Variants in H6PD observed in about 807,000 individuals in gnomAD.
The protein encoded by H6PD is hexose-6-phosphate dehydrogenase/glucose 1-dehydrogenase.
H6PD carries 48 observed loss-of-function variants against 61.2 expected under a neutral mutation model. The observed-to-expected ratio is 0.78, with a 90% CI of 0.62 to 1.00. The LOEUF (loss-of-function observed/expected upper bound fraction) is 1.00, where lower values mean the gene tolerates loss of function less well. Ranked by LOEUF, H6PD falls within the 50% of genes least tolerant of loss-of-function variation. The pLI, the probability that H6PD is intolerant of heterozygous loss-of-function variation, is 0.00. For missense variants in H6PD, 1,093 were observed against 1,065.0 expected (o/e 1.03, Z -0.37); for synonymous variants, 480 against 457.9 (o/e 1.05, Z -0.62).
chr1:9,241,787 C>G (rs1409611697), intron 1 of H6PD, among the ~76,000 whole-genome samples: 1 of 152,118 alleles, frequency 6.6e-6, no homozygotes, highest in East Asian at 1.9e-4. Flanking sequence ...TTCTGCTTGA[C>G]AAAGGAAGCT....
At chr1:9,256,750 G>A (rs1280307810) in intron 3 of H6PD, among the ~76,000 whole-genome samples, 2 of 152,168 alleles carry the variant, frequency 1.3e-5, no homozygotes, top group African/African-American at 4.8e-5. Flanking sequence ...TATAAGAAAC[G>A]GGGATGCACC....
chr1:9,235,134 C>T (rs1175997123), intron 1 of H6PD, 68 bp downstream of exon 1: 1 of 150,204 alleles, frequency 6.7e-6, no homozygotes, highest in Non-Finnish European at 1.5e-5. Flanking sequence ...TGCCGCCGGG[C>T]CCGAGGCCGC....
Position 9,267,099 on chromosome 1 carries a change from C to T in H6PD, c.*2230C>T, listed in dbSNP as rs971130393. On this transcript the variant is annotated 3_prime_UTR_variant, in exon 5 of 5. Transcript: ENST00000377403. ...CCTCCCAAAGTGCTGGGATTACAGG[C>T]GTGAGCCACCGCGCCCAGCCAGAAC... is the stretch of plus-strand genomic sequence containing the variant. 25 of 152,644 alleles carry T rather than the reference C, an allele frequency of 1.6e-4. No homozygotes were observed. Among genetic ancestry groups the T allele is most frequent in the South Asian group, 4.1e-4 (2 of 4,846 alleles). The allele number at this position is 152,644 out of a possible 1,614,324, so 9.5% of individuals were successfully genotyped here. A position where few individuals can be genotyped will look rare whatever the true frequency, so the allele number is the denominator to read the frequency against.
In H6PD at chr1:9,270,060, C is replaced by G. The variant is rs1638699620; in HGVS notation, c.*5191C>G. On this transcript the variant is annotated 3_prime_UTR_variant, in exon 5 of 5. Transcript: ENST00000377403. ...TGATCCCTTTGCCGAAGTGTACCCT[C>G]TAGCCAACTTTTGGGAGCGCTTCTG... 1 of 152,668 alleles carries G rather than the reference C, an allele frequency of 6.6e-6. No individual in the cohort carries two copies. The highest frequency in any genetic ancestry group is 2.1e-4 in the South Asian group (1 of 4,826). 9.5% of individuals were successfully genotyped at this position (152,668 alleles called of 1,614,324 possible).
At chr1:9,246,805 C>G (rs1002468938) in intron 2 of H6PD, among the ~76,000 whole-genome samples, 161 bp from the exon 3 acceptor site, 5 of 152,128 alleles carry the variant, frequency 3.3e-5, no homozygotes, top group Non-Finnish European at 5.9e-5. Context: ...GTTTTTGGAA[C>G]CTTTACTGGC....
intron 3 of H6PD, 86 bp from the exon 4 acceptor site, chr1:9,261,973 G>A (rs749107996): frequency 6.1e-5 from 82 of 1,351,776 alleles, no homozygotes; most frequent in Non-Finnish European, 8.6e-5. Context: ...ATGAATGTGC[G>A]GGCTGGGGTT....
intron 3 of H6PD, among the ~76,000 whole-genome samples, chr1:9,261,836 C>T (rs531788727): frequency 6.6e-6 from 1 of 152,354 alleles, no homozygotes; most frequent in East Asian, 1.9e-4. Context: ...GATTTGACGC[C>T]TTCTCTTACA....
intron 1 of H6PD, among the ~76,000 whole-genome samples, chr1:9,237,276 G>C (rs954775748): frequency 1.2e-5 from 1 of 80,976 alleles, no homozygotes; most frequent in Non-Finnish European, 2.4e-5. Context: ...ATGGAGTCTT[G>C]CTCTGTTGCC....
Position 9,268,238 on chromosome 1 carries a change from CAAA to C in H6PD, c.*3388_*3390del, listed in dbSNP as rs745801230. 3.5e-4 allele frequency: 39 copies of C among 111,788 alleles called. No individual in the cohort carries two copies. Among genetic ancestry groups the C allele is most frequent in the African/African-American group, 8.2e-4 (24 of 29,396 alleles). The allele number at this position is 111,788 out of a possible 1,614,324, so 6.9% of individuals were successfully genotyped here. A position where few individuals can be genotyped will look rare whatever the true frequency, so the allele number is the denominator to read the frequency against. On this transcript the variant is annotated 3_prime_UTR_variant, in exon 5 of 5. Coordinates refer to ENST00000377403, the MANE Select transcript of H6PD (RefSeq NM_004285.4). ...TGGAAAACAGAGTGAGACCCTATCT[CAAA>C]AAAAAAAAAAAAAAAAAAGGAAAGA...
intron 1 of H6PD, among the ~76,000 whole-genome samples, chr1:9,237,236 CTTTTTTTTTTT>C (rs370751354): frequency 8.4e-5 from 6 of 71,084 alleles, no homozygotes; most frequent in Non-Finnish European, 1.7e-4. Flanking sequence ...TTTGACTTCT[CTTTTTTTTTTT>C]TTTTTTTTTT....
In H6PD at chr1:9,264,521, G is replaced by A; in HGVS notation, c.2028G>A (p.Glu676=). Reference sequence around the variant, plus strand: ...AGGGCGCCCAGATCTATGCCAGGGAGATCTCAGCCCTGGTGGCCAACAGCA... The same window carrying A: ...AGGGCGCCCAGATCTATGCCAGGGAAATCTCAGCCCTGGTGGCCAACAGCA... The part of the protein sequence containing the change: ...EDQGAQIYAR[E]ISALVANSSF... The change falls in exon 5 of 5, where the codon GAG becomes GAA. Residue 676 remains glutamate (E), a synonymous_variant. Transcript: ENST00000377403. 6.2e-7 allele frequency: 1 copy of A among 1,613,190 alleles called. No homozygotes were observed.
chr1:9,252,485 T>A (rs892437363), intron 3 of H6PD, among the ~76,000 whole-genome samples: 2 of 152,156 alleles, frequency 1.3e-5, no homozygotes, highest in Admixed American at 1.3e-4. Flanking sequence ...CCTCTCTTGC[T>A]TTAACCTCCC....
intron 3 of H6PD, among the ~76,000 whole-genome samples, chr1:9,259,866 G>A (rs1034712931): frequency 2.6e-5 from 4 of 150,968 alleles, no homozygotes; most frequent in African/African-American, 7.3e-5. Flanking sequence ...CTGGTGTTAC[G>A]CCGGTGTTAT....
intron 3 of H6PD, among the ~76,000 whole-genome samples, chr1:9,257,746 C>T (rs1186182983): frequency 6.6e-6 from 1 of 152,204 alleles, no homozygotes; most frequent in Non-Finnish European, 1.5e-5. Context: ...TTAAGGATGA[C>T]TGGGAGTTTG....
chr1:9,243,022 G>C (rs1641044895), intron 1 of H6PD: 2 of 948,500 alleles, frequency 2.1e-6, no homozygotes, highest in Non-Finnish European at 2.5e-6. Flanking sequence ...GGAGAGGAAG[G>C]CTGGGGAGCC....
At chr1:9,246,926 A>T (rs748728283) in intron 2 of H6PD, 40 bp from the exon 3 acceptor site, 13 of 1,389,226 alleles carry the variant, frequency 9.4e-6, no homozygotes, top group East Asian at 2.3e-5. Context: ...CTTCATCGTG[A>T]GAGTATCCTG....
chr1:9,240,447 A>G lies in H6PD; in HGVS notation c.-10-4478A>G, dbSNP rs116370507. ...AGGGTGCGGATCACCTTTCCTCGGA[A>G]AACAGGACTTAGGGACACTAAAAGA... On this transcript the variant is annotated intron_variant, in intron 1 of 4. Coordinates refer to ENST00000377403, the MANE Select transcript of H6PD (RefSeq NM_004285.4). Among the ~76,000 whole-genome samples, 496 of 152,240 alleles carry G rather than the reference A, an allele frequency of 3.3e-3. 7 individuals are homozygous for G. The highest frequency in any genetic ancestry group is 0.012 in the African/African-American group (480 of 41,548).
intron 1 of H6PD, among the ~76,000 whole-genome samples, chr1:9,239,109 C>T (rs1477854627): frequency 1.3e-5 from 2 of 151,716 alleles, no homozygotes; most frequent in Non-Finnish European, 2.9e-5. Flanking sequence ...TGCAGTGGTG[C>T]AATCTCTGCT....
At chr1:9,237,613 G>A (rs1311898206) in intron 1 of H6PD, among the ~76,000 whole-genome samples, 2 of 152,138 alleles carry the variant, frequency 1.3e-5, no homozygotes, top group African/African-American at 2.4e-5. Context: ...TACCTCATAT[G>A]GTTGTGGCAA....
Sources: gnomAD v4.1 joint callset for allele counts (sites outside exome capture counted in the v4.1 genomes callset) on GRCh38, gnomAD v4.1.1 for gene constraint, MANE v1.5 for transcripts, NCBI Gene and HGNC (gene_info 2026-07-23, HGNC 2026-07-21) for gene names.